LPP: variants seen among roughly 807,000 people sequenced by gnomAD.
LPP encodes the protein LIM domain containing preferred translocation partner in lipoma.
Under a neutral mutation model 60.4 loss-of-function variants are expected in LPP, and 38 were observed. The ratio of observed to expected loss-of-function variants is 0.63; its 90% CI spans 0.49 to 0.83. The LOEUF (loss-of-function observed/expected upper bound fraction) is 0.83. Ranked by LOEUF, LPP falls within the 40% of genes least tolerant of loss-of-function variation. LPP has a pLI of 0.00. For missense variants in LPP, 902 were observed against 783.6 expected (o/e 1.15, Z -1.80); for synonymous variants, 328 against 290.8 (o/e 1.13, Z -1.30).
At chr3:188,404,394 G>A (rs564568092) in intron 3 of LPP, among the ~76,000 whole-genome samples, 11 of 152,062 alleles carry the variant, frequency 7.2e-5, no homozygotes, top group Admixed American at 2.6e-4. Context: ...ACAGGTGTGC[G>A]CCATTATATC....
At chr3:188,832,653 TAA>T (rs1474218657) in intron 9 of LPP, among the ~76,000 whole-genome samples, 1 of 152,170 alleles carries the variant, frequency 6.6e-6, no homozygotes, top group Non-Finnish European at 1.5e-5. Flanking sequence ...TCCCACCCAA[TAA>T]AAGAGTCCCC....
chr3:188,766,313 T>C (rs1734100356), intron 9 of LPP, among the ~76,000 whole-genome samples: 1 of 141,278 alleles, frequency 7.1e-6, no homozygotes, highest in Admixed American at 7.5e-5. Context: ...CCTGAAATGC[T>C]AAACTTCTAC....
At chr3:188,376,125 C>G (rs1340964362) in intron 3 of LPP, among the ~76,000 whole-genome samples, 2 of 152,122 alleles carry the variant, frequency 1.3e-5, no homozygotes, top group African/African-American at 4.8e-5. Context: ...TTACTTCCAA[C>G]TATGTGGTCA....
chr3:188,592,813 T>TA (rs1839187204), intron 6 of LPP, among the ~76,000 whole-genome samples: 2 of 152,096 alleles, frequency 1.3e-5, no homozygotes, highest in Admixed American at 1.3e-4. Flanking sequence ...GCGCTGGTAT[T>TA]ACAGGTGTCA....
intron 7 of LPP, among the ~76,000 whole-genome samples, chr3:188,662,075 A>G (rs547269517): frequency 1.3e-5 from 2 of 152,372 alleles, no homozygotes; most frequent in South Asian, 4.1e-4. Context: ...TGTTGACTCA[A>G]TCCTGTCCTT....
chr3:188,741,606 A>C (rs1410030248), intron 8 of LPP, among the ~76,000 whole-genome samples: 1 of 149,430 alleles, frequency 6.7e-6, no homozygotes, highest in Non-Finnish European at 1.5e-5. Context: ...AGTGTTTTTA[A>C]TTATTATTGT....
chr3:188,782,227 G>A (rs1049618835), intron 9 of LPP, among the ~76,000 whole-genome samples: 2 of 152,092 alleles, frequency 1.3e-5, no homozygotes, highest in Non-Finnish European at 2.9e-5. Context: ...TTCACATCAG[G>A]AAATATCAAA....
chr3:188,380,348 T>G (rs1380269679), intron 3 of LPP, among the ~76,000 whole-genome samples: 2 of 152,280 alleles, frequency 1.3e-5, no homozygotes, highest in African/African-American at 4.8e-5. Context: ...CCCTACTTTG[T>G]ATATTTTTGT....
chr3:188,373,549 G>A (rs1445246131), intron 3 of LPP, among the ~76,000 whole-genome samples: 1 of 151,948 alleles, frequency 6.6e-6, no homozygotes. Context: ...CTTTTTGATG[G>A]GGTTGTTTGT....
At chr3:188,218,266 C>T (rs1714408786) in intron 1 of LPP, among the ~76,000 whole-genome samples, 1 of 152,192 alleles carries the variant, frequency 6.6e-6, no homozygotes, top group African/African-American at 2.4e-5. Context: ...CCTGTAATTC[C>T]TTTTAACAGG....
chr3:188,405,441 G>A (rs567290908), intron 3 of LPP, among the ~76,000 whole-genome samples: 67 of 151,724 alleles, frequency 4.4e-4, no homozygotes, highest in Non-Finnish European at 7.4e-5. Context: ...TCTGTTATTC[G>A]CCCTCCAAGC....
intron 7 of LPP, among the ~76,000 whole-genome samples, chr3:188,667,249 C>T (rs948666763): frequency 8.5e-5 from 13 of 152,086 alleles, no homozygotes; most frequent in Admixed American, 2.0e-4. Flanking sequence ...GAGGCTGAGG[C>T]GGGCAGATCA....
intron 2 of LPP, among the ~76,000 whole-genome samples, chr3:188,304,067 C>T (rs1377290434): frequency 1.3e-5 from 2 of 152,006 alleles, no homozygotes; most frequent in Non-Finnish European, 2.9e-5. Flanking sequence ...AGTACCCCAG[C>T]CTTTATGATG....
intron 9 of LPP, among the ~76,000 whole-genome samples, chr3:188,820,314 CAATT>C (rs1753631283): frequency 6.6e-6 from 1 of 151,494 alleles, no homozygotes; most frequent in Non-Finnish European, 1.5e-5. Context: ...TGTGTGTGTT[CAATT>C]GAGTCAAGAA....
At chr3:188,423,924 TAG>T in intron 4 of LPP, among the ~76,000 whole-genome samples, 1 of 152,064 alleles carries the variant, frequency 6.6e-6, no homozygotes, top group African/African-American at 2.4e-5. Context: ...CTCTGATAGA[TAG>T]TTTTTTTTGC....
At chr3:188,664,543 C>T (rs1226312480) in intron 7 of LPP, among the ~76,000 whole-genome samples, 1 of 151,984 alleles carries the variant, frequency 6.6e-6, no homozygotes, top group Non-Finnish European at 1.5e-5. Context: ...TATATTTACC[C>T]TTAGCATTTT....
chr3:188,646,598 T>C (rs973441004), intron 7 of LPP, among the ~76,000 whole-genome samples: 43 of 152,130 alleles, frequency 2.8e-4, no homozygotes, highest in African/African-American at 9.9e-4. Flanking sequence ...CCAAAGCAAA[T>C]TGGTATTTTG....
intron 9 of LPP, among the ~76,000 whole-genome samples, chr3:188,774,206 T>C (rs1465304216): frequency 2.0e-5 from 3 of 152,168 alleles, no homozygotes; most frequent in African/African-American, 7.2e-5. Context: ...GCAAGTCTCA[T>C]TGTTACAGCT....
intron 8 of LPP, chr3:188,758,628 C>G (rs1304815201): frequency 6.6e-6 from 1 of 152,210 alleles, no homozygotes; most frequent in Non-Finnish European, 1.5e-5. Flanking sequence ...GTTGAAACAT[C>G]TAGCCCTCCC....
Sources: allele counts gnomAD v4.1 joint callset (sites outside exome capture counted in the v4.1 genomes callset), GRCh38; gene constraint gnomAD v4.1.1; transcripts MANE v1.5; gene names NCBI Gene and HGNC (gene_info 2026-07-23, HGNC 2026-07-21).